GRK3: variants seen among roughly 807,000 people sequenced by gnomAD.
GRK3 encodes G protein-coupled receptor kinase 3.
A neutral mutation model predicts 95.7 loss-of-function variants in GRK3; 54 were observed. The ratio of observed to expected loss-of-function variants is 0.56; its 90% confidence interval spans 0.45 to 0.71. GRK3 has a LOEUF of 0.71. Among genes scored for constraint, GRK3 ranks in the 30% least tolerant of loss-of-function variants. The pLI is 0.00. For synonymous variants in GRK3, 281 were observed against 290.8 expected (o/e 0.97, Z 0.34); for missense variants, 649 against 851.2 (o/e 0.76, Z 2.96).
At chr22:25,599,591 CAAA>C (rs35202175) in intron 1 of GRK3, among the ~76,000 whole-genome samples, 3 of 82,368 alleles carry the variant, frequency 3.6e-5, no homozygotes, top group Admixed American at 1.5e-4. Context: ...GACTCTGTCT[CAAA>C]AAAAAAAAAA....
intron 17 of GRK3, among the ~76,000 whole-genome samples, chr22:25,714,180 G>A (rs1427662696): frequency 6.6e-6 from 1 of 152,158 alleles, no homozygotes; most frequent in African/African-American, 2.4e-5. Flanking sequence ...AGCTGATCCA[G>A]GACTGAAAGT....
chr22:25,590,657 TAAAAATACA>T (rs1354551316), intron 1 of GRK3, among the ~76,000 whole-genome samples: 2 of 151,990 alleles, frequency 1.3e-5, no homozygotes, highest in African/African-American at 2.4e-5. Context: ...TTATCTCTAC[TAAAAATACA>T]AAAAATTAGC....
intron 1 of GRK3, among the ~76,000 whole-genome samples, chr22:25,572,339 G>A (rs1170388741): frequency 6.6e-6 from 1 of 152,120 alleles, no homozygotes; most frequent in Non-Finnish European, 1.5e-5. Context: ...TGTCTTTATA[G>A]CAGCATGATT....
In GRK3 at chr22:25,725,205, T is replaced by TC. The variant is rs1260282528; in HGVS notation, c.*2757dup. 1.1e-5 allele frequency: 2 copies of TC among 188,088 alleles called. No individual in the cohort carries two copies. The highest frequency in any genetic ancestry group is 2.2e-5 in the Non-Finnish European group (2 of 92,226). The allele number at this position is 188,088 out of a possible 1,614,324, so 11.7% of individuals were successfully genotyped here. Reference sequence around the variant, plus strand: ...TCCTAGATGTTCACCCTTATTACACTCCAACTATTAAAAAGGTCAAAATTC... The same window carrying TC: ...TCCTAGATGTTCACCCTTATTACACTCCCAACTATTAAAAAGGTCAAAATTC... On this transcript the variant is annotated 3_prime_UTR_variant, in exon 21 of 21. Transcript: ENST00000324198.
chr22:25,670,914 C>T (rs1488219311), intron 6 of GRK3, among the ~76,000 whole-genome samples: 3 of 142,098 alleles, frequency 2.1e-5, no homozygotes, highest in East Asian at 2.1e-4. Context: ...ATTAGCCTGG[C>T]GTGGTGGCGG....
At position 25,591,959 on chromosome 22, in the gene GRK3, G is replaced by A. The variant is rs1196376947; in HGVS notation, c.114-12418G>A. Among the ~76,000 whole-genome samples, 7 of 152,228 alleles carry A rather than the reference G, an allele frequency of 4.6e-5. No individual in the cohort carries two copies. In the East Asian group the frequency reaches 1.3e-3, roughly 29 times the overall value. ...TGAGAATATCCATGTATAAATATTT[G>A]TATGGATATATGCTTTCATTTCTCT... On this transcript the variant is annotated intron_variant, in intron 1 of 20. Coordinates refer to ENST00000324198, the MANE Select transcript of GRK3 (RefSeq NM_005160.4).
At chr22:25,568,472 A>G (rs1931570966) in intron 1 of GRK3, among the ~76,000 whole-genome samples, 2 of 152,262 alleles carry the variant, frequency 1.3e-5, no homozygotes, top group South Asian at 4.1e-4. Context: ...GTCCTTTCAA[A>G]GTATTCATAC....
rs545440629 is a variant in GRK3, at chr22:25,606,842, G to A, written c.190+2389G>A. ...CATTGCCGAACTGGGAGATTGTTTGGCTACACCCTGAAGTGGTTGTTATTT... is the reference window on the plus strand; with the variant it reads ...CATTGCCGAACTGGGAGATTGTTTGACTACACCCTGAAGTGGTTGTTATTT... On this transcript the variant is annotated intron_variant, in intron 2 of 20. Coordinates refer to ENST00000324198, the MANE Select transcript of GRK3 (RefSeq NM_005160.4). 6.6e-5 allele frequency among the ~76,000 whole-genome samples: 10 copies of A among 152,210 alleles called. 1 individual carries two copies. The highest frequency in any genetic ancestry group is 2.4e-4 in the African/African-American group (10 of 41,534).
At chr22:25,635,431 T>G (rs950992683) in intron 2 of GRK3, among the ~76,000 whole-genome samples, 2 of 152,176 alleles carry the variant, frequency 1.3e-5, no homozygotes, top group African/African-American at 4.8e-5. Flanking sequence ...TACTGTCTAA[T>G]CCAAAGTCCA....
At chr22:25,665,342 C>G (rs952717463) in intron 5 of GRK3, among the ~76,000 whole-genome samples, 4 of 152,138 alleles carry the variant, frequency 2.6e-5, no homozygotes, top group Admixed American at 2.0e-4. Context: ...ACGTAGACAG[C>G]CTTATGGTCA....
chr22:25,588,420 T>C (rs1369449173), intron 1 of GRK3, among the ~76,000 whole-genome samples: 9 of 152,258 alleles, frequency 5.9e-5, no homozygotes, highest in African/African-American at 1.4e-4. Context: ...TTTAGTACTA[T>C]GCAAATTATA....
At chr22:25,568,187 G>A (rs1931560448) in intron 1 of GRK3, among the ~76,000 whole-genome samples, 1 of 152,080 alleles carries the variant, frequency 6.6e-6, no homozygotes, top group South Asian at 2.1e-4. Context: ...ACATCATGTT[G>A]GAAAAGAAAT....
intron 10 of GRK3, among the ~76,000 whole-genome samples, chr22:25,686,316 C>T (rs1159405421): frequency 6.6e-6 from 1 of 152,110 alleles, no homozygotes; most frequent in Non-Finnish European, 1.5e-5. Flanking sequence ...AACACAGCAG[C>T]ATCTACCCTA....
At chr22:25,626,779 A>G (rs2084631302) in intron 2 of GRK3, among the ~76,000 whole-genome samples, 1 of 152,224 alleles carries the variant, frequency 6.6e-6, no homozygotes, top group Non-Finnish European at 1.5e-5. Flanking sequence ...ACCAGGCTGC[A>G]GGTTTGAAGA....
Position 25,685,261 on chromosome 22 carries a change from T to C in GRK3, c.826+13T>C. The C allele has an allele frequency of 1.9e-6, 3 of 1,596,306 alleles. No homozygotes were observed. The highest frequency in any genetic ancestry group is 2.6e-6 in the Non-Finnish European group (3 of 1,163,908). ...GATCTGATGAACGGTAAGCAAAACT[T>C]GGAAAATCTGAATGCCTTGAAAGAC... is the stretch of plus-strand genomic sequence containing the variant. On this transcript the variant is annotated intron_variant, in intron 10 of 20. Transcript: ENST00000324198.
chr22:25,680,362 T>A (rs898507921), intron 9 of GRK3, among the ~76,000 whole-genome samples: 11 of 152,252 alleles, frequency 7.2e-5, no homozygotes, highest in Admixed American at 2.6e-4. Context: ...GCTTTTAATT[T>A]CTATTGGAAA....
At chr22:25,628,790 A>AT (rs1264322158) in intron 2 of GRK3, among the ~76,000 whole-genome samples, 1 of 152,208 alleles carries the variant, frequency 6.6e-6, no homozygotes, top group East Asian at 1.9e-4. Context: ...GTTGTTACAG[A>AT]TCAGCATGAG....
At chr22:25,570,129 C>T (rs892238032) in intron 1 of GRK3, among the ~76,000 whole-genome samples, 2 of 152,242 alleles carry the variant, frequency 1.3e-5, no homozygotes, top group Admixed American at 6.5e-5. Context: ...CGATCAGCTA[C>T]GAGTCCTCAG....
chr22:25,647,801 G>T (rs1800450293), intron 3 of GRK3: 2 of 898,400 alleles, frequency 2.2e-6, no homozygotes, highest in South Asian at 2.6e-5. Context: ...AATTAATGAG[G>T]TATTTTCTTA....
Sources: allele counts gnomAD v4.1 joint callset (sites outside exome capture counted in the v4.1 genomes callset), GRCh38; gene constraint gnomAD v4.1.1; transcripts MANE v1.5; gene names NCBI Gene and HGNC (gene_info 2026-07-23, HGNC 2026-07-21).